Variants in CFAP77 observed in about 807,000 individuals in gnomAD.
The protein encoded by CFAP77 is cilia- and flagella-associated protein 77.
A neutral mutation model predicts 31.1 loss-of-function variants in CFAP77; 25 were observed. The observed-to-expected ratio is 0.80, with a 90% confidence interval of 0.59 to 1.12. The LOEUF is 1.12. Ranked by LOEUF, CFAP77 falls within the 50% of genes most tolerant of loss-of-function variation. CFAP77 has a pLI of 0.00. For missense variants in CFAP77, 377 were observed against 397.3 expected (o/e 0.95, Z 0.44); for synonymous variants, 151 against 159.9 (o/e 0.94, Z 0.42).
At chr9:132,415,308 C>G (rs180791791) in intron 1 of CFAP77, among the ~76,000 whole-genome samples, 1 of 152,066 alleles carries the variant, frequency 6.6e-6, no homozygotes, top group Non-Finnish European at 1.5e-5. Context: ...ACCAAAGTCT[C>G]CCACTTCTGG....
Position 132,481,471 on chromosome 9 carries a change from C to T in CFAP77, c.196-17224C>T, listed in dbSNP as rs1851445803. Among the ~76,000 whole-genome samples, 1 of 152,230 alleles carries T rather than the reference C, an allele frequency of 6.6e-6. No homozygotes were observed. Among genetic ancestry groups the T allele is most frequent in the Non-Finnish European group, 1.5e-5 (1 of 68,046 alleles). On this transcript the variant is annotated intron_variant, in intron 1 of 5. Coordinates refer to ENST00000393216, the MANE Select transcript of CFAP77 (RefSeq NM_001282957.2). The surrounding 1 kb of genome is among the most constrained non-coding windows in gnomAD (Gnocchi z 5.0). ...TCCTCCCTCCCCAGCAAGATTTCATCCATCTTTGTGTGCTCAAGGTACCGA... is the reference window on the plus strand; with the variant it reads ...TCCTCCCTCCCCAGCAAGATTTCATTCATCTTTGTGTGCTCAAGGTACCGA...
Position 132,495,179 on chromosome 9 carries a change from T to C in CFAP77, c.196-3516T>C, listed in dbSNP as rs575554608. Among the ~76,000 whole-genome samples, 163 of 149,566 alleles carry C rather than the reference T, an allele frequency of 1.1e-3. 1 individual carries two copies. The highest frequency in any genetic ancestry group is 3.9e-3 in the African/African-American group (152 of 39,398). On this transcript the variant is annotated intron_variant, in intron 1 of 5. Transcript: ENST00000393216. The surrounding 1 kb of genome is among the most constrained non-coding windows in gnomAD (Gnocchi z 4.2). ...AATGAAAGTATGAGCAAACCTCCCA[T>C]TGGGATTTTTTTTTTTTGTAGTCTA...
chr9:132,510,775 A>G (rs1159212795), intron 3 of CFAP77, among the ~76,000 whole-genome samples: 4 of 152,136 alleles, frequency 2.6e-5, no homozygotes, highest in Non-Finnish European at 4.4e-5. Context: ...TGGCTGTTCA[A>G]GCTAGAAACC....
At chr9:132,418,837 T>G (rs180938627) in intron 1 of CFAP77, among the ~76,000 whole-genome samples, 32 of 152,360 alleles carry the variant, frequency 2.1e-4, no homozygotes, top group East Asian at 7.7e-4. Flanking sequence ...GGTTTGGTTT[T>G]GTTTTCCTCA....
chr9:132,458,348 A>G (rs492431), intron 1 of CFAP77, among the ~76,000 whole-genome samples: 14,288 of 100,446 alleles, frequency 0.14, 849 homozygotes, highest in Admixed American at 0.19. Flanking sequence ...CTGGCGGGGG[A>G]GGGGGGGGGG....
intron 1 of CFAP77, among the ~76,000 whole-genome samples, chr9:132,462,659 GA>G (rs1851072635): frequency 6.6e-6 from 1 of 151,896 alleles, no homozygotes; most frequent in Non-Finnish European, 1.5e-5. Context: ...ACCAAAAATA[GA>G]AAAAAATTAC....
intron 1 of CFAP77, among the ~76,000 whole-genome samples, chr9:132,493,862 C>T (rs1430522400): frequency 2.0e-5 from 3 of 151,144 alleles, no homozygotes; most frequent in African/African-American, 7.3e-5. Flanking sequence ...CTTTTCTTTT[C>T]TCTTTTCTTT....
At chr9:132,414,910 C>T (rs1044089078) in intron 1 of CFAP77, among the ~76,000 whole-genome samples, 11 of 152,176 alleles carry the variant, frequency 7.2e-5, no homozygotes, top group African/African-American at 2.4e-4. Flanking sequence ...AATAGCTTAA[C>T]ATCTCTAATA....
chr9:132,531,389 G>A (rs1852447407), intron 3 of CFAP77, among the ~76,000 whole-genome samples: 1 of 152,306 alleles, frequency 6.6e-6, no homozygotes, highest in Middle Eastern at 3.4e-3. Flanking sequence ...GGAGGGCGCC[G>A]GACCAGGGCT....
chr9:132,546,956 G>C (rs1852742622), intron 5 of CFAP77, among the ~76,000 whole-genome samples: 1 of 152,250 alleles, frequency 6.6e-6, no homozygotes, highest in Non-Finnish European at 1.5e-5. Context: ...GGGAGGGGAT[G>C]GGGGCCCTTG....
At chr9:132,536,636 C>T (rs1384064875) in intron 3 of CFAP77, among the ~76,000 whole-genome samples, 1 of 152,128 alleles carries the variant, frequency 6.6e-6, no homozygotes, top group Non-Finnish European at 1.5e-5. Context: ...TCAGGTGATC[C>T]ACCTGCCTCG....
At chr9:132,543,827 A>G (rs1852687085) in intron 5 of CFAP77, among the ~76,000 whole-genome samples, 1 of 152,178 alleles carries the variant, frequency 6.6e-6, no homozygotes, top group African/African-American at 2.4e-5. Flanking sequence ...GCACCCAGAC[A>G]GGGATTCATC....
intron 1 of CFAP77, among the ~76,000 whole-genome samples, chr9:132,493,322 G>A (rs1455146715): frequency 6.6e-6 from 1 of 152,194 alleles, no homozygotes; most frequent in African/African-American, 2.4e-5. Flanking sequence ...ACTGCTATGG[G>A]CATTCTTGGG....
intron 3 of CFAP77, among the ~76,000 whole-genome samples, chr9:132,531,662 T>C (rs1312088741): frequency 7.2e-6 from 1 of 139,790 alleles, no homozygotes; most frequent in Non-Finnish European, 1.5e-5. Context: ...AAGCAAGGGG[T>C]GATATGATCT....
intron 1 of CFAP77, among the ~76,000 whole-genome samples, chr9:132,486,092 T>TATA (rs1564223316): frequency 1.6e-4 from 8 of 50,762 alleles, no homozygotes; most frequent in African/African-American, 9.5e-4. Context: ...ATATATATAT[T>TATA]TTTTTTTTTT....
chr9:132,468,281 G>A (rs1851190252), intron 1 of CFAP77, among the ~76,000 whole-genome samples: 2 of 152,188 alleles, frequency 1.3e-5, no homozygotes, highest in African/African-American at 4.8e-5. Context: ...AGGAGGCCGA[G>A]GCTGCAGCGA....
intron 5 of CFAP77, among the ~76,000 whole-genome samples, chr9:132,550,781 G>T (rs1689991336): frequency 6.6e-6 from 1 of 152,016 alleles, no homozygotes; most frequent in South Asian, 2.1e-4. Flanking sequence ...CCTGGCCCCA[G>T]CGAGGTTGGT....
chr9:132,519,101 G>A (rs909989966), intron 3 of CFAP77, among the ~76,000 whole-genome samples: 2 of 151,958 alleles, frequency 1.3e-5, no homozygotes, highest in African/African-American at 4.8e-5. Context: ...CCAGAGGGCA[G>A]GGAGCCACCC....
rs1282857316 is a variant in CFAP77 at position 132,495,308 on chromosome 9, C to T, written c.196-3387C>T. 6.6e-6 allele frequency among the ~76,000 whole-genome samples: 1 copy of T among 152,134 alleles called. No homozygotes were observed. Among genetic ancestry groups the T allele is most frequent in the Non-Finnish European group, 1.5e-5 (1 of 68,022 alleles). On this transcript the variant is annotated intron_variant, in intron 1 of 5. Transcript: ENST00000393216. The surrounding 1 kb of genome is among the most constrained non-coding windows in gnomAD (Gnocchi z 4.2). ...CTTGCTCCCTGCCTGAGGGTGGCAG[C>T]CAGCTCCTGAGTCTGTCTGTCATTC...
Sources: gnomAD v4.1 joint callset for allele counts (sites outside exome capture counted in the v4.1 genomes callset) on GRCh38, gnomAD v4.1.1 for gene constraint, Gnocchi (gnomAD v3.1) non-coding constraint, MANE v1.5 for transcripts, NCBI Gene and HGNC (gene_info 2026-07-23, HGNC 2026-07-21) for gene names.